GZMK: variants seen among roughly 807,000 people sequenced by gnomAD.
GZMK encodes NK-Tryp-2.
Under a neutral mutation model 22.8 loss-of-function variants are expected in GZMK, and 18 were observed. The observed-to-expected ratio is 0.79, with a 90% confidence interval of 0.54 to 1.17. GZMK has a LOEUF of 1.17. Ranked by LOEUF, GZMK falls within the 50% of genes most tolerant of loss-of-function variation. The pLI, the probability that GZMK is intolerant of heterozygous loss-of-function variation, is 0.00. For missense variants in GZMK, 342 were observed against 320.2 expected (o/e 1.07, Z -0.52); for synonymous variants, 136 against 115.0 (o/e 1.18, Z -1.17).
At position 55,030,410 on chromosome 5, in the gene GZMK, TTTCA is replaced by T; in HGVS notation, c.213-21_213-18del. 1 of 1,611,390 alleles carries T rather than the reference TTTCA, an allele frequency of 6.2e-7. No individual in the cohort carries two copies. The highest frequency in any genetic ancestry group is 8.5e-7 in the Non-Finnish European group (1 of 1,178,518). ...GGGGATTTGGAAATCATTCTGCTGC[TTTCA>T]TTGTCTTTGCTTTTTTTAGGTTTAC... On this transcript the variant is annotated intron_variant, in intron 2 of 4. Transcript: ENST00000231009.
intron 1 of GZMK, 123 bp from the exon 2 acceptor site, chr5:55,024,537 C>T: frequency 1.2e-6 from 1 of 806,606 alleles, no homozygotes; most frequent in Non-Finnish European, 2.0e-6. Context: ...ATTATTGTAG[C>T]TTTTAGGTAG....
At chr5:55,026,913 C>T (rs1741150300) in intron 2 of GZMK, 6 of 152,284 alleles carry the variant, frequency 3.9e-5, no homozygotes, top group Admixed American at 3.9e-4. Flanking sequence ...TTCCTCCTGC[C>T]CCAACCTGCC....
intron 2 of GZMK, 176 bp downstream of exon 2, chr5:55,024,983 CT>C: frequency 2.2e-6 from 1 of 465,068 alleles, no homozygotes; most frequent in East Asian, 3.2e-5. Flanking sequence ...TTGGGTTTTC[CT>C]TTTCAGAGAG....
In GZMK at chr5:55,033,948, T is replaced by C. The variant is rs757803514; in HGVS notation, c.*22T>C. The C allele has an allele frequency of 2.5e-6, 4 of 1,594,280 alleles. No homozygotes were observed. The highest frequency in any genetic ancestry group is 3.4e-6 in the Non-Finnish European group (4 of 1,169,322). On this transcript the variant is annotated 3_prime_UTR_variant, in exon 5 of 5. Transcript: ENST00000231009. ...TTAAGTTACAAATAATTTTATTGGA[T>C]GCACTTGCTTCTTTTTTCCTAATAT...
chr5:55,026,532 T>C (rs1385689001), intron 2 of GZMK, among the ~76,000 whole-genome samples: 2 of 152,142 alleles, frequency 1.3e-5, no homozygotes, highest in Non-Finnish European at 2.9e-5. Context: ...GTGTAAAAAG[T>C]AGGCAGATCG....
Position 55,031,543 on chromosome 5 carries a change from C to G in GZMK, c.543C>G (p.Cys181Trp). The G allele has an allele frequency of 6.2e-7, 1 of 1,613,652 alleles. No homozygotes were observed. Among genetic ancestry groups the G allele is most frequent in the Admixed American group, 1.7e-5 (1 of 60,028 alleles). The stretch of plus-strand genomic sequence containing the variant: ...TTACTGTCCTAAGTCGAAAACTTTG[C>G]AACAGCCAAAGTTACTACAACGGCG... ...VTVTVLSRKL[C>W]NSQSYYNGDP... Residue 181 changes from cysteine to tryptophan, a missense_variant, in exon 4 of 5, where the codon TGC (cysteine) becomes TGG (tryptophan). By Grantham distance (215) the Cys-to-Trp change is radical (BLOSUM62 -2). Transcript: ENST00000231009.
chr5:55,030,256 C>T (rs1741204577), intron 2 of GZMK, 178 bp from the exon 3 acceptor site: 9 of 551,816 alleles, frequency 1.6e-5, no homozygotes, highest in Non-Finnish European at 2.8e-5. Flanking sequence ...TCATTTGGCC[C>T]TTAATATCAA....
intron 2 of GZMK, among the ~76,000 whole-genome samples, chr5:55,029,317 C>G (rs1741184629): frequency 6.6e-6 from 1 of 152,116 alleles, no homozygotes; most frequent in Non-Finnish European, 1.5e-5. Flanking sequence ...TCTAAATCTC[C>G]CCGATGGAAT....
Position 55,033,774 on chromosome 5 carries a change from G to T in GZMK, c.643G>T (p.Gly215Trp). ...TTTTTCTTCCTTCCAGGGTGACTCA[G>T]GGGGCCCCTTGATCTGTAAAGGTGT... ...GQKDSCKGDS[G>W]GPLICKGVFH... The change falls in exon 5 of 5, where the codon GGG becomes TGG. Residue 215 changes from glycine (G) to tryptophan (W), a missense_variant. Physicochemically the swap from Gly to Trp is radical, Grantham distance 184. Coordinates refer to ENST00000231009, the MANE Select transcript of GZMK (RefSeq NM_002104.3). 2 of 1,598,618 alleles carry T rather than the reference G, an allele frequency of 1.3e-6. No individual in the cohort carries two copies. Among genetic ancestry groups the T allele is most frequent in the Non-Finnish European group, 1.7e-6 (2 of 1,175,818 alleles).
chr5:55,029,264 A>G (rs531632900), intron 2 of GZMK, among the ~76,000 whole-genome samples: 44 of 152,072 alleles, frequency 2.9e-4, no homozygotes, highest in Non-Finnish European at 5.6e-4. Flanking sequence ...AAGAAAGCCA[A>G]AAAACAAACC....
chr5:55,030,296 C>T (rs1741205938), intron 2 of GZMK, 138 bp from the exon 3 acceptor site: 1 of 732,960 alleles, frequency 1.4e-6, no homozygotes, highest in Non-Finnish European at 2.3e-6. Context: ...AGACCTTTGT[C>T]ACTCCACCTA....
chr5:55,027,715 A>G (rs900933841), intron 2 of GZMK: 1 of 152,244 alleles, frequency 6.6e-6, no homozygotes, highest in Non-Finnish European at 1.5e-5. Context: ...CAGCAGACCC[A>G]CTATAAGCCG....
chr5:55,030,424 C>T lies in GZMK; in HGVS notation c.213-10C>T, dbSNP rs763821231. On this transcript the variant is annotated splice_polypyrimidine_tract_variant and intron_variant, in intron 2 of 4. Transcript: ENST00000231009. Reference sequence around the variant, plus strand: ...CATTCTGCTGCTTTCATTGTCTTTGCTTTTTTTAGGTTTACCAAAGGCCAG... The same window carrying T: ...CATTCTGCTGCTTTCATTGTCTTTGTTTTTTTTAGGTTTACCAAAGGCCAG... 4 of 1,611,506 alleles carry T rather than the reference C, an allele frequency of 2.5e-6. No homozygotes were observed. Among genetic ancestry groups the T allele is most frequent in the African/African-American group, 1.3e-5 (1 of 74,778 alleles).
intron 2 of GZMK, chr5:55,027,487 G>T (rs938080455): frequency 6.6e-5 from 10 of 152,538 alleles, no homozygotes; most frequent in Non-Finnish European, 1.3e-4. Context: ...CTTGAAGGGG[G>T]TTGGCACGGG....
intron 4 of GZMK, among the ~76,000 whole-genome samples, chr5:55,033,391 A>G (rs971859367): frequency 5.3e-5 from 8 of 152,364 alleles, no homozygotes; most frequent in Non-Finnish European, 7.3e-5. Flanking sequence ...AGATTATTTT[A>G]TTTCAGTGGA....
intron 3 of GZMK, 84 bp from the exon 4 acceptor site, chr5:55,031,280 C>A: frequency 1.7e-6 from 2 of 1,170,324 alleles, no homozygotes; most frequent in Admixed American, 1.9e-5. Context: ...CCGCCTAAGA[C>A]AGAGGGACCA....
In GZMK at chr5:55,033,965, T is replaced by C. The variant is rs183564515; in HGVS notation, c.*39T>C. 10 of 1,549,934 alleles carry C rather than the reference T, an allele frequency of 6.5e-6. No homozygotes were observed. Among genetic ancestry groups the C allele is most frequent in the Non-Finnish European group, 8.8e-6 (10 of 1,134,514 alleles). ...TTATTGGATGCACTTGCTTCTTTTT[T>C]CCTAATATGCTCGCAGGTTAGAGTT... On this transcript the variant is annotated 3_prime_UTR_variant, in exon 5 of 5. Coordinates refer to ENST00000231009, the MANE Select transcript of GZMK (RefSeq NM_002104.3).
intron 2 of GZMK, among the ~76,000 whole-genome samples, chr5:55,029,230 T>C (rs1741183052): frequency 6.6e-6 from 1 of 151,468 alleles, no homozygotes. Flanking sequence ...GCAAGACTCC[T>C]TCTCAAAAAA....
Position 55,033,773 on chromosome 5 carries a change from A to T in GZMK, c.642A>T (p.Ser214=). The change falls in exon 5 of 5, where the codon TCA becomes TCT. Residue 214 remains serine, a synonymous_variant. Coordinates refer to ENST00000231009, the MANE Select transcript of GZMK (RefSeq NM_002104.3). ...CTTTTTCTTCCTTCCAGGGTGACTC[A>T]GGGGGCCCCTTGATCTGTAAAGGTG... ...KGQKDSCKGD[S]GGPLICKGVF... 1 of 1,597,962 alleles carries T rather than the reference A, an allele frequency of 6.3e-7. No individual in the cohort carries two copies. The highest frequency in any genetic ancestry group is 8.5e-7 in the Non-Finnish European group (1 of 1,175,716).
Sources: gnomAD v4.1 joint callset for allele counts (sites outside exome capture counted in the v4.1 genomes callset) on GRCh38, gnomAD v4.1.1 for gene constraint, MANE v1.5 for transcripts, NCBI Gene and HGNC (gene_info 2026-07-23, HGNC 2026-07-21) for gene names.